The following POU2F1 variants were observed in gnomAD, a reference collection of about 807,000 sequenced individuals.
POU2F1 encodes the protein POU domain, class 2, transcription factor 1.
Under a neutral mutation model 84.9 loss-of-function variants are expected in POU2F1, and 16 were observed. That is an observed-to-expected ratio of 0.19 (90% CI 0.13 to 0.29). The LOEUF is 0.29. Ranked by LOEUF, POU2F1 falls within the 10% of genes least tolerant of loss-of-function variation. The pLI is 1.00. For synonymous variants in POU2F1, 368 were observed against 368.3 expected, an observed-to-expected ratio of 1.00 and a Z score of 0.01; for missense variants, 738 against 942.6, an observed-to-expected ratio of 0.78 and a Z score of 2.84.
chr1:167,358,715 G>GATTTTTTTTT (rs1557923742), intron 2 of POU2F1, among the ~76,000 whole-genome samples: 4 of 41,584 alleles, frequency 9.6e-5, no homozygotes, highest in African/African-American at 3.2e-4. Flanking sequence ...ATTATCTGCA[G>GATTTTTTTTT]CTTTTTTTTT....
intron 1 of POU2F1, among the ~76,000 whole-genome samples, chr1:167,299,747 G>A (rs75536175): frequency 0.016 from 2,405 of 148,904 alleles, 64 homozygotes; most frequent in African/African-American, 0.058. Flanking sequence ...GTTCCAAAGA[G>A]TGGGATAAAG....
chr1:167,250,420 T>C (rs540482437), intron 1 of POU2F1, among the ~76,000 whole-genome samples: 50 of 152,340 alleles, frequency 3.3e-4, no homozygotes, highest in African/African-American at 1.1e-3. Context: ...TTTCTCAATT[T>C]AAATTATAGT....
chr1:167,303,649 T>A (rs975865061), intron 1 of POU2F1: 1 of 152,424 alleles, frequency 6.6e-6, no homozygotes, highest in Admixed American at 6.5e-5. Context: ...TGATTACCTT[T>A]AATTTTGTGG....
At chr1:167,251,064 G>A (rs953634704) in intron 1 of POU2F1, among the ~76,000 whole-genome samples, 13 of 152,168 alleles carry the variant, frequency 8.5e-5, no homozygotes, top group Non-Finnish European at 1.8e-4. Flanking sequence ...TGTATTATAA[G>A]AACATCTCAT....
intron 2 of POU2F1, among the ~76,000 whole-genome samples, chr1:167,358,818 G>A (rs573920310): frequency 1.4e-5 from 2 of 139,432 alleles, no homozygotes; most frequent in South Asian, 4.9e-4. Context: ...CCTGTCTAGA[G>A]TGCTGGGATA....
In POU2F1 at chr1:167,315,648, GTT is replaced by G. The variant is rs555434512; in HGVS notation, c.62-16817_62-16816del. The stretch of plus-strand genomic sequence containing the variant: ...TTTTTGTTTGTTTGTTTGTTTGTTT[GTT>G]TTTTAATTAGCCAGGTGTGGTGACA... On this transcript the variant is annotated intron_variant, in intron 1 of 15. Transcript: ENST00000367866. 1.3e-3 allele frequency among the ~76,000 whole-genome samples: 200 copies of G among 151,516 alleles called. 2 individuals are homozygous for G. In the East Asian group the frequency reaches 0.028, roughly 21 times the overall value.
At chr1:167,411,197 G>A (rs753470311) in intron 13 of POU2F1, among the ~76,000 whole-genome samples, 55 of 151,862 alleles carry the variant, frequency 3.6e-4, no homozygotes, top group Non-Finnish European at 5.9e-4. Context: ...GTGCCACCAC[G>A]CCCAGCTAAT....
intron 2 of POU2F1, among the ~76,000 whole-genome samples, chr1:167,358,146 G>A (rs1304375932): frequency 4.2e-4 from 8 of 19,052 alleles, no homozygotes; most frequent in African/African-American, 1.6e-3. Context: ...TTTTTTTTTT[G>A]AGACGGTGTT....
intron 2 of POU2F1, among the ~76,000 whole-genome samples, chr1:167,343,046 A>T (rs890153491): frequency 1.3e-5 from 2 of 152,022 alleles, no homozygotes; most frequent in African/African-American, 4.8e-5. Flanking sequence ...GATTTAATAG[A>T]TGTCAGTTAC....
chr1:167,221,080 G>T (rs1002147915), intron 1 of POU2F1, 122 bp downstream of exon 1: 9 of 913,970 alleles, frequency 9.8e-6, no homozygotes, highest in East Asian at 2.8e-5. Context: ...GCGGGGAGAT[G>T]GGGGGCCGGG....
intron 1 of POU2F1, among the ~76,000 whole-genome samples, chr1:167,278,509 C>T (rs1652895418): frequency 6.6e-6 from 1 of 152,078 alleles, no homozygotes; most frequent in Non-Finnish European, 1.5e-5. Flanking sequence ...ATAAATTTTG[C>T]TTCAGGAAAT....
At chr1:167,250,267 G>T (rs1387223085) in intron 1 of POU2F1, among the ~76,000 whole-genome samples, 1 of 152,146 alleles carries the variant, frequency 6.6e-6, no homozygotes, top group Non-Finnish European at 1.5e-5. Context: ...AATTGTTTAG[G>T]TTGTTAGAAT....
intron 2 of POU2F1, among the ~76,000 whole-genome samples, chr1:167,333,733 T>C (rs1223753238): frequency 2.0e-5 from 3 of 152,202 alleles, no homozygotes; most frequent in African/African-American, 7.2e-5. Flanking sequence ...CTGTAGTATC[T>C]CTTAAGAAGG....
At chr1:167,276,836 A>G (rs570558876) in intron 1 of POU2F1, among the ~76,000 whole-genome samples, 7 of 152,304 alleles carry the variant, frequency 4.6e-5, no homozygotes, top group Admixed American at 2.6e-4. Flanking sequence ...GAAGAAAGAA[A>G]TGAGTAGATA....
At chr1:167,253,231 TTTATC>T (rs1447016175) in intron 1 of POU2F1, among the ~76,000 whole-genome samples, 1 of 152,214 alleles carries the variant, frequency 6.6e-6, no homozygotes, top group African/African-American at 2.4e-5. Context: ...GAATTATGTT[TTTATC>T]TTTCATCAGC....
chr1:167,327,684 T>G (rs138602397), intron 1 of POU2F1, among the ~76,000 whole-genome samples: 24 of 152,354 alleles, frequency 1.6e-4, no homozygotes, highest in African/African-American at 5.3e-4. Context: ...TACTGGTTTC[T>G]TCACTACACG....
chr1:167,301,847 C>G (rs1276318772), intron 1 of POU2F1, among the ~76,000 whole-genome samples: 2 of 151,944 alleles, frequency 1.3e-5, no homozygotes, highest in Non-Finnish European at 2.9e-5. Context: ...GGTATTTCTT[C>G]TTGTAATTTA....
intron 1 of POU2F1, chr1:167,329,303 C>T: frequency 6.5e-7 from 1 of 1,548,850 alleles, no homozygotes; most frequent in South Asian, 1.2e-5. Flanking sequence ...TGACTATGTT[C>T]TAGGTGGGTA....
chr1:167,230,445 A>G (rs1648986218), intron 1 of POU2F1, among the ~76,000 whole-genome samples: 1 of 152,238 alleles, frequency 6.6e-6, no homozygotes, highest in South Asian at 2.1e-4. Context: ...TTTTAAAGGC[A>G]AAAGTGGAGC....
Sources: allele counts gnomAD v4.1 joint callset (sites outside exome capture counted in the v4.1 genomes callset), GRCh38; gene constraint gnomAD v4.1.1; transcripts MANE v1.5; gene names NCBI Gene and HGNC (gene_info 2026-07-23, HGNC 2026-07-21).